Variants in FUT8 observed in about 807,000 individuals in gnomAD.
The protein encoded by FUT8 is alpha-(1,6)-fucosyltransferase.
FUT8 carries 29 observed loss-of-function variants against 71.3 expected under a neutral mutation model. The observed-to-expected ratio is 0.41, with a 90% confidence interval of 0.30 to 0.55. The LOEUF is 0.55. Ranked by LOEUF, FUT8 falls within the 20% of genes least tolerant of loss-of-function variation. The pLI, the probability that FUT8 is intolerant of heterozygous loss-of-function variation, is 0.34. For missense variants in FUT8, 544 were observed against 702.1 expected (o/e 0.77, Z 2.55); for synonymous variants, 254 against 239.3 (o/e 1.06, Z -0.57).
At chr14:65,479,018 C>G (rs928272664) in intron 2 of FUT8, among the ~76,000 whole-genome samples, 2 of 152,162 alleles carry the variant, frequency 1.3e-5, no homozygotes, top group Non-Finnish European at 2.9e-5. Flanking sequence ...AAAACATCCC[C>G]TTTAGCTTTT....
At chr14:65,382,398 G>A in the FUT8 span, among the ~76,000 whole-genome samples, 6 of 152,210 alleles carry the variant, frequency 3.9e-5, no homozygotes, top group African/African-American at 7.2e-5. Flanking sequence ...GTGCAGTGGC[G>A]TGATCTCGGC....
chr14:65,741,815 A>G (rs986628854), intron 10 of FUT8, among the ~76,000 whole-genome samples: 2 of 152,040 alleles, frequency 1.3e-5, no homozygotes, highest in African/African-American at 4.8e-5. Context: ...TAACTAATTC[A>G]TATTCTTAAA....
At position 65,555,478 on chromosome 14, in the gene FUT8, A is replaced by G. The variant is rs748254680; in HGVS notation, c.-227-5859A>G. On this transcript the variant is annotated intron_variant, in intron 2 of 10. Transcript: ENST00000673929. ...CTGCCAAAGACTTAAAGGATCTCCT[A>G]TGCAAATTTTGGAGCTTTCTGAGTA... Among the ~76,000 whole-genome samples the G allele has an allele frequency of 3.3e-5, 5 of 152,272 alleles. No homozygotes were observed. The East Asian group carries it at 9.7e-4, about 29-fold the overall frequency.
chr14:65,677,241 C>T (rs961261689), intron 7 of FUT8, among the ~76,000 whole-genome samples: 6 of 150,540 alleles, frequency 4.0e-5, no homozygotes, highest in African/African-American at 1.5e-4. Context: ...GTTGCCTTAG[C>T]AGAAGGTCAA....
chr14:65,599,835 G>A (rs1888204249), intron 3 of FUT8, among the ~76,000 whole-genome samples: 1 of 152,000 alleles, frequency 6.6e-6, no homozygotes, highest in Non-Finnish European at 1.5e-5. Flanking sequence ...TCTTTATTTG[G>A]AAAAAGAGAT....
intron 2 of FUT8, among the ~76,000 whole-genome samples, chr14:65,518,217 A>G (rs1882839941): frequency 6.6e-6 from 1 of 152,206 alleles, no homozygotes; most frequent in Non-Finnish European, 1.5e-5. Flanking sequence ...ACCAAAGGAA[A>G]ACATATATTT....
intron 2 of FUT8, among the ~76,000 whole-genome samples, chr14:65,538,657 C>T (rs535936945): frequency 1.8e-4 from 28 of 152,262 alleles, no homozygotes; most frequent in African/African-American, 3.1e-4. Context: ...TGGTGGCTCA[C>T]GCCTGTAATC....
intron 3 of FUT8, among the ~76,000 whole-genome samples, chr14:65,610,541 C>T (rs2140198310): frequency 6.6e-6 from 1 of 151,948 alleles, no homozygotes; most frequent in South Asian, 2.1e-4. Context: ...AGGCATGCAC[C>T]ACCATGCCTG....
chr14:65,379,400 G>A, the FUT8 span, among the ~76,000 whole-genome samples: 1 of 152,050 alleles, frequency 6.6e-6, no homozygotes, highest in African/African-American at 2.4e-5. Flanking sequence ...GCATGGTGGT[G>A]CACACCGTGG....
intron 6 of FUT8, among the ~76,000 whole-genome samples, chr14:65,655,124 A>G (rs1372335996): frequency 6.6e-6 from 1 of 152,044 alleles, no homozygotes; most frequent in Non-Finnish European, 1.5e-5. Flanking sequence ...CGATATAGGT[A>G]GATTAAAAGT....
intron 6 of FUT8, among the ~76,000 whole-genome samples, chr14:65,665,790 G>C (rs1892184345): frequency 6.6e-6 from 1 of 152,134 alleles, no homozygotes; most frequent in Admixed American, 6.6e-5. Flanking sequence ...CAGGGACATG[G>C]ATGGAGCTGG....
chr14:65,669,211 T>C lies in FUT8; in HGVS notation c.598-32T>C, dbSNP rs1403963223. On this transcript the variant is annotated intron_variant, in intron 6 of 10. Transcript: ENST00000673929. This position sits in a 1 kb window ranked among gnomAD's most constrained non-coding sequence, Gnocchi z 4.5. ...GCAGTTGACCTCTCTGTACAACTTA[T>C]CTTTATTTTCATTTCTCTTTCTCCC... 4.5e-6 allele frequency: 7 copies of C among 1,549,244 alleles called. No individual in the cohort carries two copies. Among genetic ancestry groups the C allele is most frequent in the Admixed American group, 1.7e-5 (1 of 59,270 alleles).
chr14:65,440,150 A>G (rs1200780481), intron 1 of FUT8, among the ~76,000 whole-genome samples: 1 of 151,628 alleles, frequency 6.6e-6, no homozygotes, highest in Admixed American at 6.6e-5. Flanking sequence ...AGAATCTAAC[A>G]AAGTTAGACT....
the FUT8 span, among the ~76,000 whole-genome samples, chr14:65,394,801 AGCG>A: frequency 2.8e-5 from 4 of 141,520 alleles, no homozygotes; most frequent in Admixed American, 2.3e-4. Flanking sequence ...CCCAGAGTGC[AGCG>A]GCATGATCTT....
chr14:65,492,469 C>T (rs978487170), intron 2 of FUT8, among the ~76,000 whole-genome samples: 5 of 152,150 alleles, frequency 3.3e-5, no homozygotes, highest in Admixed American at 2.6e-4. Context: ...TGTTTTTGTA[C>T]GTCACTTCCT....
At chr14:65,452,350 A>G (rs2065840134) in intron 1 of FUT8, among the ~76,000 whole-genome samples, 1 of 152,208 alleles carries the variant, frequency 6.6e-6, no homozygotes, top group Non-Finnish European at 1.5e-5. Context: ...ATGAAACCAC[A>G]GTTCTCAAGA....
At chr14:65,563,159 C>A (rs1886006479) in intron 3 of FUT8, among the ~76,000 whole-genome samples, 1 of 151,990 alleles carries the variant, frequency 6.6e-6, no homozygotes, top group African/African-American at 2.4e-5. Context: ...CTATTATTTT[C>A]TTTCCTACTT....
intron 1 of FUT8, among the ~76,000 whole-genome samples, chr14:65,431,455 A>C (rs1159302413): frequency 6.6e-6 from 1 of 151,794 alleles, no homozygotes; most frequent in South Asian, 2.1e-4. Flanking sequence ...GACTACAGGC[A>C]TGCGTCACCA....
chr14:65,430,990 ATTTTT>A (rs5809273), intron 1 of FUT8, among the ~76,000 whole-genome samples: 1 of 127,016 alleles, frequency 7.9e-6, no homozygotes, highest in Admixed American at 8.3e-5. Flanking sequence ...TTTTCTACTA[ATTTTT>A]TTTTTTTTTT....
Sources: allele counts gnomAD v4.1 joint callset (sites outside exome capture counted in the v4.1 genomes callset), GRCh38; gene constraint gnomAD v4.1.1; non-coding constraint Gnocchi (gnomAD v3.1); transcripts MANE v1.5; gene names NCBI Gene and HGNC (gene_info 2026-07-23, HGNC 2026-07-21).